The following MAGEA10 variants were observed in gnomAD, a reference collection of about 807,000 sequenced individuals.
The protein encoded by MAGEA10 is MAGE family member A10.
A neutral mutation model predicts 8.6 loss-of-function variants in MAGEA10; 7 were observed. The observed-to-expected ratio is 0.82, with a 90% CI of 0.46 to 1.53. The LOEUF (loss-of-function observed/expected upper bound fraction) is 1.53, where lower values mean the gene tolerates loss of function less well. Among genes scored for constraint, MAGEA10 ranks in the 40% most tolerant of loss-of-function variants. The pLI is 0.01. For synonymous variants in MAGEA10, 125 were observed against 107.4 expected (o/e 1.16, Z -1.02); for missense variants, 293 against 274.0 (o/e 1.07, Z -0.49).
At chrX:152,137,973 G>C (rs1473702490) in intron 1 of MAGEA10, among the ~76,000 whole-genome samples, 1 of 110,632 alleles carries the variant, frequency 9.0e-6, no homozygotes, top group Non-Finnish European at 1.9e-5. Context: ...CTCAGGCCGA[G>C]TGAAGAGACA....
rs149591320 is a variant in MAGEA10, at chrX:152,134,744, G to A, written c.877C>T (p.Arg293Trp). Residue 293 changes from arginine to tryptophan, a missense_variant, in exon 4 of 4, where the codon CGG becomes TGG. Transcript: ENST00000370323. ...CTTGGACCCCACAGAAACTCATACC[G>A]TGCAGGATCACTGCCAGGCACCTGC... ...YRQVPGSDPA[R>W]YEFLWGPRAH... 358 of 1,209,029 alleles carry A rather than the reference G, an allele frequency of 3.0e-4. 2 individuals are homozygous for A. Among genetic ancestry groups the A allele is most frequent in the Middle Eastern group, 9.2e-4 (4 of 4,351 alleles).
At position 152,134,694 on chromosome X, in the gene MAGEA10, C is replaced by T. The variant is rs768534650; in HGVS notation, c.927G>A (p.Met309Ile). The part of the protein sequence containing the change: ...GPRAHAEIRK[M>I]SLLKFLAKVN... Reference sequence around the variant, plus strand: ...CCTTGGCCAAAAATTTCAGGAGACTCATCTTCCTAATTTCAGCATGAGCCC... The same window carrying T: ...CCTTGGCCAAAAATTTCAGGAGACTTATCTTCCTAATTTCAGCATGAGCCC... The change falls in exon 4 of 4, where the codon ATG (methionine) becomes ATA (isoleucine). Residue 309 changes from methionine (M) to isoleucine (I), a missense_variant. Met to Ile is a conservative substitution (Grantham distance 10). Coordinates refer to ENST00000370323, the MANE Select transcript of MAGEA10 (RefSeq NM_021048.5). The T allele has an allele frequency of 3.3e-6, 4 of 1,210,409 alleles. No individual in the cohort carries two copies. Among genetic ancestry groups the T allele is most frequent in the African/African-American group, 3.5e-5 (2 of 57,599 alleles).
chrX:152,134,518 G>A lies in MAGEA10; in HGVS notation c.1103C>T (p.Pro368Leu). The change falls in exon 4 of 4, where the codon CCT becomes CTT. Residue 368 changes from proline (P) to leucine (L), a missense_variant. Coordinates refer to ENST00000370323, the MANE Select transcript of MAGEA10 (RefSeq NM_021048.5). ...TGAAGAATCTGTCTTACTTTATTCA[G>A]GGTAGGAGAAGCTACCTGTAGCGCT... ...SSSATGSFSYPE is the reference protein window; with the variant it reads ...SSSATGSFSYLE The A allele has an allele frequency of 1.7e-6, 2 of 1,205,303 alleles. No homozygotes were observed. The highest frequency in any genetic ancestry group is 2.2e-6 in the Non-Finnish European group (2 of 891,682).
At chrX:152,138,341 T>TGGGG (rs11365460) in intron 1 of MAGEA10, 134 bp downstream of exon 1, 1 of 26,419 alleles carries the variant, frequency 3.8e-5, no homozygotes, top group African/African-American at 1.2e-4. Flanking sequence ...GGGGCGGGGG[T>TGGGG]GGGGGGGGGG....
rs369416770 is a variant in MAGEA10, at chrX:152,134,991, G to T, written c.630C>A (p.Thr210=). Residue 210 remains threonine, a synonymous_variant, in exon 4 of 4, where the codon ACC becomes ACA. Coordinates refer to ENST00000370323, the MANE Select transcript of MAGEA10 (RefSeq NM_021048.5). ...SFVLVTSLGL[T]YDGMLSDVQS... ...GGACATCACTCAGCATCCCATCATA[G>T]GTGAGGCCCAGGGAGGTGACAAGGA... 1.7e-6 allele frequency: 2 copies of T among 1,211,820 alleles called. No individual in the cohort carries two copies. The highest frequency in any genetic ancestry group is 1.1e-6 in the Non-Finnish European group (1 of 895,509).
Position 152,134,686 on chromosome X carries a change from A to G in MAGEA10, c.935T>C (p.Leu312Pro). 8.3e-7 allele frequency: 1 copy of G among 1,210,557 alleles called. No homozygotes were observed. The highest frequency in any genetic ancestry group is 1.1e-6 in the Non-Finnish European group (1 of 894,715). Residue 312 changes from leucine (L) to proline (P), a missense_variant, in exon 4 of 4, where the codon CTG (leucine) becomes CCG (proline). Leu to Pro is a moderately conservative substitution (Grantham distance 98). Coordinates refer to ENST00000370323, the MANE Select transcript of MAGEA10 (RefSeq NM_021048.5). ...CCCATTTACCTTGGCCAAAAATTTC[A>G]GGAGACTCATCTTCCTAATTTCAGC... Reference protein sequence around the residue: ...AHAEIRKMSLLKFLAKVNGSD... With the variant: ...AHAEIRKMSLPKFLAKVNGSD...
chrX:152,138,278 C>T (rs1352323966), intron 1 of MAGEA10, among the ~76,000 whole-genome samples, 197 bp downstream of exon 1: 2 of 101,610 alleles, frequency 2.0e-5, no homozygotes, highest in Non-Finnish European at 4.0e-5. Context: ...GCCCTGGTCA[C>T]ACCAAGCTCT....
Position 152,133,689 on chromosome X carries a change from T to C in MAGEA10, c.*822A>G, listed in dbSNP as rs778429386. On this transcript the variant is annotated 3_prime_UTR_variant, in exon 4 of 4. Coordinates refer to ENST00000370323, the MANE Select transcript of MAGEA10 (RefSeq NM_021048.5). Reference sequence around the variant, plus strand: ...GCTCACACCTGTTATCCCAGCACTTTGGGAGGCTGAGGCGGGCAGATTACC... The same window carrying C: ...GCTCACACCTGTTATCCCAGCACTTCGGGAGGCTGAGGCGGGCAGATTACC... 3 of 111,392 alleles carry C rather than the reference T, an allele frequency of 2.7e-5. No homozygotes were observed. In the South Asian group the frequency reaches 1.1e-3, roughly 42 times the overall value. 9.2% of individuals were successfully genotyped at this position (111,392 alleles called of 1,213,427 possible). A position where few individuals can be genotyped will look rare whatever the true frequency, so the allele number is the denominator to read the frequency against.
Position 152,134,753 on chromosome X carries a change from C to T in MAGEA10, c.868G>A (p.Asp290Asn), listed in dbSNP as rs752028683. Reference protein sequence around the residue: ...YLEYRQVPGSDPARYEFLWGP... With the variant: ...YLEYRQVPGSNPARYEFLWGP... ...CACAGAAACTCATACCGTGCAGGAT[C>T]ACTGCCAGGCACCTGCCGGTACTCC... is the stretch of plus-strand genomic sequence containing the variant. The change falls in exon 4 of 4, where the codon GAT (aspartate) becomes AAT (asparagine). Residue 290 changes from aspartate (D) to asparagine (N), a missense_variant. Physicochemically the swap from Asp to Asn is conservative, Grantham distance 23. Coordinates refer to ENST00000370323, the MANE Select transcript of MAGEA10 (RefSeq NM_021048.5). The T allele has an allele frequency of 2.5e-6, 3 of 1,211,566 alleles. No individual in the cohort carries two copies. Among genetic ancestry groups the T allele is most frequent in the South Asian group, 3.5e-5 (2 of 56,936 alleles).
At chrX:152,138,069 C>T (rs1936719326) in intron 1 of MAGEA10, among the ~76,000 whole-genome samples, 1 of 110,328 alleles carries the variant, frequency 9.1e-6, no homozygotes, top group South Asian at 3.9e-4. Flanking sequence ...CCCGGGCCTT[C>T]CCTCTGCTCC....
rs768413554 is a variant in MAGEA10 at position 152,135,414 on chromosome X, G to T, written c.207C>A (p.Ser69Arg). ...CATCAGCAGAAACCTCCTCTGGGGT[G>T]CTTGGTATTAGAGGATAGCAGGAGG... ...SSSSCYPLIP[S>R]TPEEVSADDE... Residue 69 changes from serine (S) to arginine (R), a missense_variant, in exon 4 of 4, where the codon AGC becomes AGA. Transcript: ENST00000370323. 2.8e-5 allele frequency: 33 copies of T among 1,193,561 alleles called. No individual in the cohort carries two copies. The South Asian group carries it at 5.6e-4, about 20-fold the overall frequency.
chrX:152,134,657 C>G lies in MAGEA10; in HGVS notation c.964G>C (p.Asp322His). 8.3e-7 allele frequency: 1 copy of G among 1,210,427 alleles called. No homozygotes were observed. ...LKFLAKVNGS[D>H]PRSFPLWYEE... ...TACCACAGTGGGAAGGATCTTGGAT[C>G]ACTCCCATTTACCTTGGCCAAAAAT... The change falls in exon 4 of 4, where the codon GAT becomes CAT. Residue 322 changes from aspartate (D) to histidine (H), a missense_variant. By Grantham distance (81) the Asp-to-His change is moderately conservative (BLOSUM62 -1). Transcript: ENST00000370323.
In MAGEA10 at chrX:152,134,571, A is replaced by G. The variant is rs1936622977; in HGVS notation, c.1050T>C (p.Asp350=). The stretch of plus-strand genomic sequence containing the variant: ...AACTTGCACTGGCCATGGCAGTAGT[A>G]TCATCTGTGGTGGCAATTCTGTCCT... ...RAQDRIATTD[D]TTAMASASSS... Residue 350 remains aspartate (D), a synonymous_variant, in exon 4 of 4, where the codon GAT becomes GAC. Coordinates refer to ENST00000370323, the MANE Select transcript of MAGEA10 (RefSeq NM_021048.5). 1 of 1,205,975 alleles carries G rather than the reference A, an allele frequency of 8.3e-7. No individual in the cohort carries two copies.
In MAGEA10 at chrX:152,134,568, A is replaced by G. The variant is rs778334853; in HGVS notation, c.1053T>C (p.Thr351=). Residue 351 remains threonine (T), a synonymous_variant, in exon 4 of 4, where the codon ACT becomes ACC. Transcript: ENST00000370323. ...AQDRIATTDD[T]TAMASASSSA... is the part of the protein sequence containing the mutation. ...TAGAACTTGCACTGGCCATGGCAGTAGTATCATCTGTGGTGGCAATTCTGT... is the reference window on the plus strand; with the variant it reads ...TAGAACTTGCACTGGCCATGGCAGTGGTATCATCTGTGGTGGCAATTCTGT... 8.3e-7 allele frequency: 1 copy of G among 1,207,993 alleles called. No individual in the cohort carries two copies. The highest frequency in any genetic ancestry group is 1.1e-6 in the Non-Finnish European group (1 of 892,113).
chrX:152,135,435 G>A lies in MAGEA10; in HGVS notation c.186C>T (p.Ser62=). 1 of 1,155,511 alleles carries A rather than the reference G, an allele frequency of 8.7e-7. No homozygotes were observed. The highest frequency in any genetic ancestry group is 1.2e-6 in the Non-Finnish European group (1 of 863,127). The change falls in exon 4 of 4, where the codon TCC becomes TCT. Residue 62 remains serine (S), a synonymous_variant. Coordinates refer to ENST00000370323, the MANE Select transcript of MAGEA10 (RefSeq NM_021048.5). ...FPSSSSSSSS[S]CYPLIPSTPE... ...GGGTGCTTGGTATTAGAGGATAGCA[G>A]GAGGAGGAGGAGGAAGAGGAGGAGG...
Position 152,134,919 on chromosome X carries a change from G to T in MAGEA10, c.702C>A (p.Val234=). The part of the protein sequence containing the change: ...TGILILILSI[V]FIEGYCTPEE... ...CAGGGGTGCAGTAGCCCTCTATGAA[G>T]ACTATGCTTAGGATAAGTATGAGAA... The change falls in exon 4 of 4, where the codon GTC becomes GTA. Residue 234 remains valine, a synonymous_variant. Transcript: ENST00000370323. The T allele has an allele frequency of 8.3e-7, 1 of 1,210,577 alleles. No homozygotes were observed. The highest frequency in any genetic ancestry group is 1.1e-6 in the Non-Finnish European group (1 of 894,870).
In MAGEA10 at chrX:152,133,977, G is replaced by A. The variant is rs1308856693; in HGVS notation, c.*534C>T. The A allele has an allele frequency of 9.2e-6, 1 of 108,785 alleles. No individual in the cohort carries two copies. Among genetic ancestry groups the A allele is most frequent in the East Asian group, 2.9e-4 (1 of 3,475 alleles). 9.0% of individuals were successfully genotyped at this position (108,785 alleles called of 1,213,427 possible). On this transcript the variant is annotated 3_prime_UTR_variant, in exon 4 of 4. Transcript: ENST00000370323. Reference sequence around the variant, plus strand: ...GAAAAAGAAAATAAAATACCAAGAAGAAAAGAAAAGAAGTCCCCAGGTTAT... The same window carrying A: ...GAAAAAGAAAATAAAATACCAAGAAAAAAAGAAAAGAAGTCCCCAGGTTAT...
At chrX:152,137,193 G>T (rs963462030) in intron 1 of MAGEA10, among the ~76,000 whole-genome samples, 3 of 109,861 alleles carry the variant, frequency 2.7e-5, no homozygotes, top group African/African-American at 1.0e-4. Flanking sequence ...TTCTTTCTGG[G>T]CTGCAGGTAC....
chrX:152,138,166 G>A (rs749072148), intron 1 of MAGEA10, among the ~76,000 whole-genome samples: 2 of 111,092 alleles, frequency 1.8e-5, no homozygotes, highest in South Asian at 3.9e-4. Context: ...TGGTCGCCAT[G>A]ACCAGGGCTT....
Sources: allele counts gnomAD v4.1 joint callset (sites outside exome capture counted in the v4.1 genomes callset), GRCh38; gene constraint gnomAD v4.1.1; transcripts MANE v1.5; gene names NCBI Gene and HGNC (gene_info 2026-07-23, HGNC 2026-07-21).